The following ZBP1 variants were observed in gnomAD, a reference collection of about 807,000 sequenced individuals.
ZBP1 encodes the protein Z-DNA-binding protein 1.
In ZBP1, 42 loss-of-function variants were observed where a neutral mutation model predicts 41.1. The ratio of observed to expected loss-of-function variants is 1.02; its 90% CI spans 0.80 to 1.32. The LOEUF (loss-of-function observed/expected upper bound fraction) is 1.32, where lower values mean the gene tolerates loss of function less well. ZBP1 is among the 40% of genes most tolerant of loss of function. The pLI, the probability that ZBP1 is intolerant of heterozygous loss-of-function variation, is 0.00. For missense variants in ZBP1, 562 were observed against 549.7 expected, an observed-to-expected ratio of 1.02 and a Z score of -0.22; for synonymous variants, 214 against 205.2, an observed-to-expected ratio of 1.04 and a Z score of -0.37.
At chr20:57,608,545 C>A (rs527571236) in intron 7 of ZBP1, among the ~76,000 whole-genome samples, 1 of 152,350 alleles carries the variant, frequency 6.6e-6, no homozygotes, top group South Asian at 2.1e-4. Context: ...AGCCGGATCC[C>A]CATCTGGTGG....
At chr20:57,615,636 C>T in intron 2 of ZBP1, 56 bp from the exon 3 acceptor site, 1 of 1,527,906 alleles carries the variant, frequency 6.5e-7, no homozygotes, top group Non-Finnish European at 8.9e-7. Context: ...CACCAGGCCT[C>T]CACCCCACAA....
intron 7 of ZBP1, among the ~76,000 whole-genome samples, chr20:57,608,537 C>G (rs1411211284): frequency 6.6e-6 from 1 of 152,238 alleles, no homozygotes; most frequent in Non-Finnish European, 1.5e-5. Flanking sequence ...GGGTCCTAAG[C>G]CGGATCCCCA....
intron 4 of ZBP1, among the ~76,000 whole-genome samples, chr20:57,614,314 A>G (rs1432442788): frequency 1.3e-5 from 2 of 152,196 alleles, no homozygotes; most frequent in African/African-American, 4.8e-5. Context: ...TACAGGCGTG[A>G]GCAACCGTGC....
chr20:57,619,951 C>T (rs990497617), intron 1 of ZBP1, among the ~76,000 whole-genome samples: 2 of 152,082 alleles, frequency 1.3e-5, no homozygotes, highest in African/African-American at 4.8e-5. Context: ...ATTCTCCAGC[C>T]TCAGCATCCC....
In ZBP1 at chr20:57,614,946, T is replaced by A. The variant is rs760690506; in HGVS notation, c.443A>T (p.Lys148Met). ...KDVNRDLYRM[K>M]SRHLLDMDEQ... ...ATCCATGTCCAGAAGGTGCCTGCTC[T>A]TCATCCTGTACAAGTCTCGGTTCAC... Residue 148 changes from lysine (K) to methionine (M), a missense_variant, in exon 4 of 8, where the codon AAG (lysine) becomes ATG (methionine). Transcript: ENST00000371173. 2 of 1,614,206 alleles carry A rather than the reference T, an allele frequency of 1.2e-6. No individual in the cohort carries two copies. The highest frequency in any genetic ancestry group is 1.7e-5 in the Admixed American group (1 of 60,026).
chr20:57,606,928 C>G, intron 7 of ZBP1: 1 of 1,134,156 alleles, frequency 8.8e-7, no homozygotes, highest in Non-Finnish European at 1.1e-6. Flanking sequence ...TTTTACTACT[C>G]GTTGACAATG....
intron 1 of ZBP1, among the ~76,000 whole-genome samples, chr20:57,618,239 G>T (rs576077449): frequency 2.8e-3 from 432 of 152,216 alleles, no homozygotes; most frequent in Non-Finnish European, 5.2e-3. Flanking sequence ...TCTGCTTCAA[G>T]GAACCTGAGG....
At chr20:57,609,627 C>T (rs2070593854) in intron 7 of ZBP1, among the ~76,000 whole-genome samples, 1 of 152,032 alleles carries the variant, frequency 6.6e-6, no homozygotes, top group Non-Finnish European at 1.5e-5. Context: ...CCCTGGTCTG[C>T]TACCCTCACC....
Position 57,610,249 on chromosome 20 carries a change from G to T in ZBP1, c.993C>A (p.Asp331Glu), listed in dbSNP as rs186925447. 3.1e-6 allele frequency: 5 copies of T among 1,614,184 alleles called. No homozygotes were observed. In the South Asian group the frequency reaches 5.5e-5, roughly 18 times the overall value. Reference sequence around the variant, plus strand: ...TTTTGTTGCTGTTGCCGATGGTGGCGTCCTCGAGAAAGCACGATTTCATGT... The same window carrying T: ...TTTTGTTGCTGTTGCCGATGGTGGCTTCCTCGAGAAAGCACGATTTCATGT... ...RIHMKSCFLE[D>E]ATIGNSNKMS... is the part of the protein sequence containing the mutation. Residue 331 changes from aspartate (D) to glutamate (E), a missense_variant, in exon 7 of 8, where the codon GAC (aspartate) becomes GAA (glutamate). Coordinates refer to ENST00000371173, the MANE Select transcript of ZBP1 (RefSeq NM_030776.3). This position sits in a 1 kb window ranked among gnomAD's most constrained non-coding sequence, Gnocchi z 5.5.
Position 57,610,642 on chromosome 20 carries a change from T to TC in ZBP1, c.875-276dup. On this transcript the variant is annotated intron_variant, in intron 6 of 7. Coordinates refer to ENST00000371173, the MANE Select transcript of ZBP1 (RefSeq NM_030776.3). This position sits in a 1 kb window ranked among gnomAD's most constrained non-coding sequence, Gnocchi z 5.5. ...GCTGATCTGGACGTCAGTGTCTTCC[T>TC]CTGGGATTCAGCTCCTCTCTCCTCT... 1.9e-6 allele frequency: 1 copy of TC among 527,280 alleles called. No homozygotes were observed. Among genetic ancestry groups the TC allele is most frequent in the Admixed American group, 3.2e-5 (1 of 30,830 alleles). 32.7% of individuals were successfully genotyped at this position (527,280 alleles called of 1,614,324 possible).
chr20:57,614,078 A>G (rs993536503), intron 4 of ZBP1, among the ~76,000 whole-genome samples: 5 of 152,176 alleles, frequency 3.3e-5, no homozygotes, highest in Non-Finnish European at 5.9e-5. Context: ...TTTGTTGCCC[A>G]GGCTGGAGTG....
chr20:57,613,701 G>T lies in ZBP1; in HGVS notation c.503-371C>A, dbSNP rs1391434744. Among the ~76,000 whole-genome samples the T allele has an allele frequency of 6.6e-6, 1 of 152,234 alleles. No homozygotes were observed. Among genetic ancestry groups the T allele is most frequent in the Non-Finnish European group, 1.5e-5 (1 of 68,044 alleles). Reference sequence around the variant, plus strand: ...CCCTTTTCCCTTGAGTAATGGCCGAGAAACAGCAGCCCATTGGGCCAGATC... The same window carrying T: ...CCCTTTTCCCTTGAGTAATGGCCGATAAACAGCAGCCCATTGGGCCAGATC... On this transcript the variant is annotated intron_variant, in intron 4 of 7. Transcript: ENST00000371173. This position sits in a 1 kb window ranked among gnomAD's most constrained non-coding sequence, Gnocchi z 4.5.
At chr20:57,607,741 A>G (rs1392926466) in intron 7 of ZBP1, among the ~76,000 whole-genome samples, 1 of 152,230 alleles carries the variant, frequency 6.6e-6, no homozygotes, top group Non-Finnish European at 1.5e-5. Context: ...GCAGCCATCA[A>G]CATCAAGGCA....
At chr20:57,608,734 T>G (rs569382538) in intron 7 of ZBP1, among the ~76,000 whole-genome samples, 2 of 152,220 alleles carry the variant, frequency 1.3e-5, no homozygotes, top group South Asian at 4.1e-4. Context: ...AGGGAGAGTT[T>G]GAAGACACGT....
intron 3 of ZBP1, chr20:57,615,282 G>A (rs560653947): frequency 2.8e-5 from 19 of 677,978 alleles, no homozygotes; most frequent in Non-Finnish European, 4.8e-5. Context: ...CATGTGGCGG[G>A]TGCATGGTGA....
rs535199734 is a variant in ZBP1, at chr20:57,608,776, C to A, written c.1093+1373G>T. Reference sequence around the variant, plus strand: ...AGGGTCTCCTCAGTTGCTGGGACAGCAAGGACACGGCCCTTGGGGTGAGGA... The same window carrying A: ...AGGGTCTCCTCAGTTGCTGGGACAGAAAGGACACGGCCCTTGGGGTGAGGA... On this transcript the variant is annotated intron_variant, in intron 7 of 7. Coordinates refer to ENST00000371173, the MANE Select transcript of ZBP1 (RefSeq NM_030776.3). Among the ~76,000 whole-genome samples, 24 of 152,324 alleles carry A rather than the reference C, an allele frequency of 1.6e-4. No homozygotes were observed. In the South Asian group the frequency reaches 4.8e-3, roughly 30 times the overall value.
rs201226585 is a variant in ZBP1 at position 57,614,905 on chromosome 20, A to G, written c.484T>C (p.Trp162Arg). ...GGCCTACCTGGGCGGTAAATCGTCC[A>G]TGCTTTGGACTGCTCATCCATGTCC... Reference protein sequence around the residue: ...LLDMDEQSKAWTIYRPEDSGR... With the variant: ...LLDMDEQSKARTIYRPEDSGR... Residue 162 changes from tryptophan to arginine, a missense_variant, in exon 4 of 8, where the codon TGG becomes CGG. Coordinates refer to ENST00000371173, the MANE Select transcript of ZBP1 (RefSeq NM_030776.3). The G allele has an allele frequency of 1.7e-4, 276 of 1,614,158 alleles. 2 individuals are homozygous for G. The East Asian group carries it at 6.1e-3, about 36-fold the overall frequency.
chr20:57,606,730 A>G (rs1396322563), intron 7 of ZBP1, among the ~76,000 whole-genome samples: 1 of 152,220 alleles, frequency 6.6e-6, no homozygotes, highest in African/African-American at 2.4e-5. Context: ...CCTATGTTCT[A>G]TGAATGAAGC....
At chr20:57,615,719 T>C (rs1397160786) in intron 2 of ZBP1, 139 bp from the exon 3 acceptor site, 6 of 667,928 alleles carry the variant, frequency 9.0e-6, no homozygotes, top group Non-Finnish European at 1.5e-5. Context: ...TCAACACACT[T>C]GACTTCAAAT....
Sources: gnomAD v4.1 joint callset for allele counts (sites outside exome capture counted in the v4.1 genomes callset) on GRCh38, gnomAD v4.1.1 for gene constraint, Gnocchi (gnomAD v3.1) non-coding constraint, MANE v1.5 for transcripts, NCBI Gene and HGNC (gene_info 2026-07-23, HGNC 2026-07-21) for gene names.